The following MINPP1 variants were observed in gnomAD, a reference collection of about 807,000 sequenced individuals.
The protein encoded by MINPP1 is multiple inositol-polyphosphate phosphatase 1.
MINPP1 carries 28 observed loss-of-function variants against 46.1 expected under a neutral mutation model. That is an observed-to-expected ratio of 0.61 (90% CI 0.45 to 0.83). MINPP1 has a LOEUF of 0.83. MINPP1 is among the 40% of genes least tolerant of loss of function. The pLI is 0.00. For missense variants in MINPP1, 603 were observed against 610.0 expected (o/e 0.99, Z 0.12); for synonymous variants, 268 against 249.1 (o/e 1.08, Z -0.72).
chr10:87,533,688 A>C (rs1290646868), intron 4 of MINPP1, among the ~76,000 whole-genome samples: 1 of 152,036 alleles, frequency 6.6e-6, no homozygotes, highest in Admixed American at 6.5e-5. Flanking sequence ...TAAATACCTC[A>C]ACTCTCAGTG....
chr10:87,550,570 T>C (rs942422), intron 4 of MINPP1, among the ~76,000 whole-genome samples: 151,244 of 152,234 alleles, frequency 0.99, 75,131 homozygotes, highest in East Asian at 1. Flanking sequence ...TTTTCTTACA[T>C]GCTTTTCTGT....
At chr10:87,522,951 A>G (rs1851523613) in intron 4 of MINPP1, among the ~76,000 whole-genome samples, 1 of 152,196 alleles carries the variant, frequency 6.6e-6, no homozygotes. Context: ...AACAATATTC[A>G]TAGTATCTTC....
Position 87,552,393 on chromosome 10 carries a change from A to C in MINPP1, c.1379A>C (p.Asn460Thr). 1 of 1,613,508 alleles carries C rather than the reference A, an allele frequency of 6.2e-7. No homozygotes were observed. Reference protein sequence around the residue: ...ETVSFYEDLKNHYKDILQSCQ... With the variant: ...ETVSFYEDLKTHYKDILQSCQ... ...GTTTCATTTTATGAAGATCTGAAGAACCACTACAAGGACATCCTTCAGAGT... is the reference window on the plus strand; with the variant it reads ...GTTTCATTTTATGAAGATCTGAAGACCCACTACAAGGACATCCTTCAGAGT... The change falls in exon 5 of 5, where the codon AAC becomes ACC. Residue 460 changes from asparagine to threonine, a missense_variant. Around this residue, in one of 3 missense-constraint regions of MINPP1, gnomAD observed 344 missense variants for 381.1 expected, o/e 0.90. Coordinates refer to ENST00000371996, the MANE Select transcript of MINPP1 (RefSeq NM_004897.5).
chr10:87,518,272 A>T (rs1217475626), intron 3 of MINPP1, among the ~76,000 whole-genome samples: 47 of 149,342 alleles, frequency 3.1e-4, no homozygotes, highest in Admixed American at 2.3e-3. Flanking sequence ...TTTTTTTTTT[A>T]AATATAAAGT....
At chr10:87,536,232 A>C (rs1387316418) in intron 4 of MINPP1, among the ~76,000 whole-genome samples, 1 of 152,196 alleles carries the variant, frequency 6.6e-6, no homozygotes, top group East Asian at 1.9e-4. Context: ...AGTTTAGAGA[A>C]CACTTATAAT....
intron 3 of MINPP1, among the ~76,000 whole-genome samples, chr10:87,518,812 T>C (rs957824415): frequency 1.3e-5 from 2 of 152,124 alleles, no homozygotes; most frequent in Non-Finnish European, 2.9e-5. Context: ...AGGATACAGA[T>C]GAAGAGATGA....
chr10:87,526,859 T>TG (rs1400983363), intron 4 of MINPP1, among the ~76,000 whole-genome samples: 30 of 152,304 alleles, frequency 2.0e-4, no homozygotes, highest in African/African-American at 7.0e-4. Flanking sequence ...TGGTTGTAGA[T>TG]GTGTGGTATT....
At chr10:87,520,992 A>T (rs571914081) in intron 3 of MINPP1, 44 bp from the exon 4 acceptor site, 1 of 771,204 alleles carries the variant, frequency 1.3e-6, no homozygotes, top group Non-Finnish European at 2.2e-6. Context: ...GAATCTTGTT[A>T]TATTTTTGAA....
At chr10:87,530,136 G>A (rs960394458) in intron 4 of MINPP1, among the ~76,000 whole-genome samples, 9 of 151,982 alleles carry the variant, frequency 5.9e-5, no homozygotes, top group African/African-American at 1.2e-4. Flanking sequence ...TAGCTTCTTC[G>A]TGATGGGTTC....
intron 2 of MINPP1, among the ~76,000 whole-genome samples, chr10:87,510,435 A>G (rs1851319058): frequency 6.6e-6 from 1 of 152,256 alleles, no homozygotes; most frequent in African/African-American, 2.4e-5. Flanking sequence ...TGTTTAACCC[A>G]TCATCGAATT....
intron 4 of MINPP1, 70 bp from the exon 5 acceptor site, chr10:87,552,012 C>A: frequency 8.2e-7 from 1 of 1,215,690 alleles, no homozygotes; most frequent in South Asian, 1.5e-5. Context: ...GGAAGTTACT[C>A]CTAAGTGTAA....
Position 87,553,114 on chromosome 10 carries a change from C to T in MINPP1, c.*636C>T, listed in dbSNP as rs1483715515. Reference sequence around the variant, plus strand: ...ATATTTGAACATTTTTTCAATAATTCCTTTTTACTTCTAGGAAGTCTCAAA... The same window carrying T: ...ATATTTGAACATTTTTTCAATAATTTCTTTTTACTTCTAGGAAGTCTCAAA... On this transcript the variant is annotated 3_prime_UTR_variant, in exon 5 of 5. Transcript: ENST00000371996. The T allele has an allele frequency of 6.6e-6, 1 of 151,988 alleles. No homozygotes were observed. Among genetic ancestry groups the T allele is most frequent in the African/African-American group, 2.4e-5 (1 of 41,406 alleles). 9.4% of individuals were successfully genotyped at this position (151,988 alleles called of 1,614,324 possible). A position where few individuals can be genotyped will look rare whatever the true frequency, so the allele number is the denominator to read the frequency against.
intron 4 of MINPP1, among the ~76,000 whole-genome samples, chr10:87,527,845 T>C (rs536907398): frequency 8.5e-5 from 13 of 152,172 alleles, no homozygotes; most frequent in African/African-American, 2.9e-4. Flanking sequence ...CCTGGACTTT[T>C]TTTGGTTGGT....
Position 87,505,696 on chromosome 10 carries a change from C to T in MINPP1, c.637+144C>T. The T allele has an allele frequency of 2.7e-6, 2 of 747,630 alleles. No individual in the cohort carries two copies. The highest frequency in any genetic ancestry group is 3.6e-5 in the South Asian group (2 of 55,118). 46.3% of individuals were successfully genotyped at this position (747,630 alleles called of 1,614,324 possible). A position where few individuals can be genotyped will look rare whatever the true frequency, so the allele number is the denominator to read the frequency against. ...AAGCCATCATCCCTCGGGCTACGTC[C>T]TCCCTGTCGAGGGATATTACAGACT... is the stretch of plus-strand genomic sequence containing the variant. On this transcript the variant is annotated intron_variant, in intron 1 of 4. Coordinates refer to ENST00000371996, the MANE Select transcript of MINPP1 (RefSeq NM_004897.5). This position sits in a 1 kb window ranked among gnomAD's most constrained non-coding sequence, Gnocchi z 4.4.
chr10:87,508,530 G>A lies in MINPP1; in HGVS notation c.832G>A (p.Ala278Thr). ...GCAAGTGCCAGTAAATGATTTAAAT[G>A]CAGGTAATATGTCTGTTGTCTTTTA... is the stretch of plus-strand genomic sequence containing the variant. The part of the protein sequence containing the change: ...TLQVPVNDLN[A>T]DLIQVAFFTC... The change falls in exon 2 of 5, where the codon GCA (alanine) becomes ACA (threonine). Residue 278 changes from alanine (A) to threonine (T), a missense_variant. Ala to Thr is a moderately conservative substitution (Grantham distance 58). Around this residue, in one of 3 missense-constraint regions of MINPP1, gnomAD observed 344 missense variants for 381.1 expected, o/e 0.90. Coordinates refer to ENST00000371996, the MANE Select transcript of MINPP1 (RefSeq NM_004897.5). 4 of 1,610,442 alleles carry A rather than the reference G, an allele frequency of 2.5e-6. No homozygotes were observed. The highest frequency in any genetic ancestry group is 3.4e-6 in the Non-Finnish European group (4 of 1,176,848).
At chr10:87,544,122 G>T (rs1242909154) in intron 4 of MINPP1, among the ~76,000 whole-genome samples, 2 of 152,206 alleles carry the variant, frequency 1.3e-5, no homozygotes, top group Admixed American at 1.3e-4. Flanking sequence ...ATAAGTCTGG[G>T]CCTCTGGAAC....
intron 4 of MINPP1, among the ~76,000 whole-genome samples, chr10:87,537,086 G>A (rs1352579246): frequency 2.0e-5 from 3 of 152,064 alleles, no homozygotes; most frequent in Non-Finnish European, 2.9e-5. Context: ...ACAGGCATGT[G>A]CCACCACGCC....
At chr10:87,525,335 T>A (rs1465382845) in intron 4 of MINPP1, among the ~76,000 whole-genome samples, 2 of 152,242 alleles carry the variant, frequency 1.3e-5, no homozygotes, top group East Asian at 1.9e-4. Flanking sequence ...ATATTTTCTG[T>A]CTGCATGCAT....
intron 3 of MINPP1, among the ~76,000 whole-genome samples, chr10:87,520,014 A>G (rs1251451718): frequency 6.6e-6 from 1 of 150,718 alleles, no homozygotes; most frequent in Non-Finnish European, 1.5e-5. Context: ...ACCGTTTTCT[A>G]TACTTTTATA....
Sources: allele counts gnomAD v4.1 joint callset (sites outside exome capture counted in the v4.1 genomes callset), GRCh38; gene constraint gnomAD v4.1.1; regional missense constraint gnomAD v4.1.1; non-coding constraint Gnocchi (gnomAD v3.1); transcripts MANE v1.5; gene names NCBI Gene and HGNC (gene_info 2026-07-23, HGNC 2026-07-21).